Variants in ZNF462 observed in about 807,000 individuals in gnomAD.
ZNF462 encodes the protein zinc finger protein 462.
ZNF462 carries 10 observed loss-of-function variants against 201.9 expected under a neutral mutation model. The observed-to-expected ratio is 0.05, with a 90% confidence interval of 0.03 to 0.08. ZNF462 has a LOEUF of 0.08. Ranked by LOEUF, ZNF462 falls within the 10% of genes least tolerant of loss-of-function variation. ZNF462 has a pLI of 1.00. For synonymous variants in ZNF462, 1,227 were observed against 1,193.3 expected, an observed-to-expected ratio of 1.03 and a Z score of -0.58; for missense variants, 2,523 against 3,168.3, an observed-to-expected ratio of 0.80 and a Z score of 4.89.
intron 1 of ZNF462, among the ~76,000 whole-genome samples, chr9:106,910,882 A>G (rs913224653): frequency 2.0e-5 from 3 of 152,172 alleles, no homozygotes; most frequent in Non-Finnish European, 4.4e-5. Flanking sequence ...GCCCTGCAAT[A>G]TAGCTTTAGG....
Position 107,003,348 on chromosome 9 carries a change from A to T in ZNF462, c.7111A>T (p.Met2371Leu). ...GRVNLDQLEQ[M>L]KEKMESSSSD... is the part of the protein sequence containing the mutation. ...GGTTAACTTGGATCAGCTGGAACAGATGAAGGAGAAAATGGAGAGCTCCAG... is the reference window on the plus strand; with the variant it reads ...GGTTAACTTGGATCAGCTGGAACAGTTGAAGGAGAAAATGGAGAGCTCCAG... Residue 2371 changes from methionine (M) to leucine (L), a missense_variant, in exon 11 of 13, where the codon ATG becomes TTG. Met to Leu is a conservative substitution (Grantham distance 15). Around this residue, in one of 15 missense-constraint regions of ZNF462, gnomAD observed 228 missense variants for 361.2 expected, o/e 0.63. Transcript: ENST00000277225. This position sits in a 1 kb window ranked among gnomAD's most constrained non-coding sequence, Gnocchi z 4.4. 2 of 1,613,958 alleles carry T rather than the reference A, an allele frequency of 1.2e-6. No individual in the cohort carries two copies. The highest frequency in any genetic ancestry group is 1.7e-6 in the Non-Finnish European group (2 of 1,179,888).
intron 1 of ZNF462, among the ~76,000 whole-genome samples, chr9:106,916,412 A>G (rs1829776770): frequency 6.6e-6 from 1 of 152,146 alleles, no homozygotes; most frequent in Admixed American, 6.5e-5. Context: ...TGTAATGAAG[A>G]CCCAGCAGCA....
At chr9:106,947,523 C>T (rs999509677) in intron 7 of ZNF462, among the ~76,000 whole-genome samples, 1 of 152,184 alleles carries the variant, frequency 6.6e-6, no homozygotes, top group Non-Finnish European at 1.5e-5. Context: ...TTCTGGTTTA[C>T]ATAACGGTTC....
intron 7 of ZNF462, among the ~76,000 whole-genome samples, chr9:106,971,795 C>T (rs1013722890): frequency 5.3e-5 from 8 of 152,068 alleles, no homozygotes; most frequent in Non-Finnish European, 1.0e-4. Context: ...GTGATGGATA[C>T]GTTCATTAAA....
rs1828198561 is a variant in ZNF462 at position 106,883,688 on chromosome 9, G to A, written c.-31+20333G>A. On this transcript the variant is annotated intron_variant, in intron 1 of 12. Transcript: ENST00000277225. This position sits in a 1 kb window ranked among gnomAD's most constrained non-coding sequence, Gnocchi z 4.9. ...TTTTTGTATTGTAAACAGGGGATTA[G>A]TAAATCTTTTCCTCTGAAGTTTGGA... Among the ~76,000 whole-genome samples the A allele has an allele frequency of 6.6e-6, 1 of 152,218 alleles. No homozygotes were observed. The highest frequency in any genetic ancestry group is 2.4e-5 in the African/African-American group (1 of 41,456).
chr9:106,861,083 T>G (rs1469434835), upstream of ZNF462, among the ~76,000 whole-genome samples: 1 of 151,860 alleles, frequency 6.6e-6, no homozygotes, highest in Non-Finnish European at 1.5e-5. Flanking sequence ...GCGTAGAGTG[T>G]CATTTATTTA....
In ZNF462 at chr9:106,940,387, C is replaced by T. The variant is rs569230082; in HGVS notation, c.6427+1280C>T. Among the ~76,000 whole-genome samples, 23 of 152,264 alleles carry T rather than the reference C, an allele frequency of 1.5e-4. No individual in the cohort carries two copies. The East Asian group carries it at 4.4e-3, about 29-fold the overall frequency. On this transcript the variant is annotated intron_variant, in intron 7 of 12. Coordinates refer to ENST00000277225, the MANE Select transcript of ZNF462 (RefSeq NM_021224.6). ...TAATGTGTGTGTTTAAAACAAGAGACTCTTCAGATAACCTGATGATCTGAC... is the reference window on the plus strand; with the variant it reads ...TAATGTGTGTGTTTAAAACAAGAGATTCTTCAGATAACCTGATGATCTGAC...
chr9:106,926,673 T>G lies in ZNF462; in HGVS notation c.2761T>G (p.Ser921Ala), dbSNP rs780306437. 1 of 1,613,954 alleles carries G rather than the reference T, an allele frequency of 6.2e-7. No individual in the cohort carries two copies. Among genetic ancestry groups the G allele is most frequent in the Non-Finnish European group, 8.5e-7 (1 of 1,179,976 alleles). ...CATGAATGTACTCAACTTTGATCAC[T>G]CGGACCTGATCTACCGGTGTCGGTT... ...EAMNVLNFDH[S>A]DLIYRCRFCS... The change falls in exon 3 of 13, where the codon TCG (serine) becomes GCG (alanine). Residue 921 changes from serine (S) to alanine (A), a missense_variant. Ser to Ala is a moderately conservative substitution (Grantham distance 99). Coordinates refer to ENST00000277225, the MANE Select transcript of ZNF462 (RefSeq NM_021224.6). The surrounding 1 kb of genome is among the most constrained non-coding windows in gnomAD (Gnocchi z 7.9).
At position 107,011,196 on chromosome 9, in the gene ZNF462, T is replaced by C; in HGVS notation, c.*166T>C. On this transcript the variant is annotated 3_prime_UTR_variant, in exon 13 of 13. Transcript: ENST00000277225. This position sits in a 1 kb window ranked among gnomAD's most constrained non-coding sequence, Gnocchi z 5.6. ...GCACTGGTACCTGTGTGAGTGAGTATGTAAATTAAAGTTATTTAAATGGTT... is the reference window on the plus strand; with the variant it reads ...GCACTGGTACCTGTGTGAGTGAGTACGTAAATTAAAGTTATTTAAATGGTT... 1.6e-6 allele frequency: 1 copy of C among 617,850 alleles called. No homozygotes were observed. Among genetic ancestry groups the C allele is most frequent in the South Asian group, 2.0e-5 (1 of 48,916 alleles). The allele number at this position is 617,850 out of a possible 1,614,324, so 38.3% of individuals were successfully genotyped here.
chr9:106,960,422 C>A (rs779217678), intron 7 of ZNF462, among the ~76,000 whole-genome samples: 1 of 152,104 alleles, frequency 6.6e-6, no homozygotes, highest in African/African-American at 2.4e-5. Flanking sequence ...TCTGAGGTTG[C>A]TCACAAGCTC....
intron 7 of ZNF462, among the ~76,000 whole-genome samples, chr9:106,964,011 G>A (rs1370748766): frequency 9.5e-6 from 1 of 105,268 alleles, no homozygotes; most frequent in Non-Finnish European, 2.1e-5. Context: ...TAATATTCGT[G>A]TGTGTGTGTG....
At position 106,978,651 on chromosome 9, in the gene ZNF462, G is replaced by A. The variant is rs1165408351; in HGVS notation, c.6832+4378G>A. 1.3e-5 allele frequency: 2 copies of A among 151,860 alleles called. No individual in the cohort carries two copies. Among genetic ancestry groups the A allele is most frequent in the Admixed American group, 6.6e-5 (1 of 15,258 alleles). 9.4% of individuals were successfully genotyped at this position (151,860 alleles called of 1,614,324 possible). On this transcript the variant is annotated intron_variant, in intron 9 of 12. Coordinates refer to ENST00000277225, the MANE Select transcript of ZNF462 (RefSeq NM_021224.6). This position sits in a 1 kb window ranked among gnomAD's most constrained non-coding sequence, Gnocchi z 4.1. ...GATGAAGTCAGTGGTAGGACTTTTG[G>A]TAGGTTTTCATTCATGCAACAAATA...
intron 1 of ZNF462, among the ~76,000 whole-genome samples, chr9:106,906,669 T>G (rs1270603480): frequency 6.6e-6 from 1 of 152,220 alleles, no homozygotes; most frequent in African/African-American, 2.4e-5. Context: ...ATAAGAAAGT[T>G]GAGTTTATTG....
chr9:106,868,233 T>G (rs1484880481), intron 1 of ZNF462, among the ~76,000 whole-genome samples: 2 of 152,128 alleles, frequency 1.3e-5, no homozygotes, highest in Non-Finnish European at 2.9e-5. Flanking sequence ...TAGAAGAAAA[T>G]TCCTCTCCTT....
In ZNF462 at chr9:106,917,304, C is replaced by T. The variant is rs1829813725; in HGVS notation, c.-30-6050C>T. 6.6e-6 allele frequency among the ~76,000 whole-genome samples: 1 copy of T among 152,188 alleles called. No homozygotes were observed. The highest frequency in any genetic ancestry group is 6.5e-5 in the Admixed American group (1 of 15,282). On this transcript the variant is annotated intron_variant, in intron 1 of 12. Coordinates refer to ENST00000277225, the MANE Select transcript of ZNF462 (RefSeq NM_021224.6). This position sits in a 1 kb window ranked among gnomAD's most constrained non-coding sequence, Gnocchi z 4.5. ...CAGCATACTCTGTAGTACTTGAAAA[C>T]TTTATGCAGGAGAGCGATCCTAAAA...
chr9:106,960,815 G>A (rs561415445), intron 7 of ZNF462, among the ~76,000 whole-genome samples: 1 of 152,062 alleles, frequency 6.6e-6, no homozygotes, highest in Non-Finnish European at 1.5e-5. Context: ...ACACATTTTT[G>A]GGACTGGGCA....
chr9:106,992,919 T>A (rs1828398753), intron 10 of ZNF462, among the ~76,000 whole-genome samples: 1 of 152,096 alleles, frequency 6.6e-6, no homozygotes, highest in African/African-American at 2.4e-5. Context: ...TTTCCTGTAG[T>A]CTTTTTATGA....
At chr9:106,973,192 T>C (rs755826672) in intron 8 of ZNF462, among the ~76,000 whole-genome samples, 2 of 152,158 alleles carry the variant, frequency 1.3e-5, no homozygotes, top group Non-Finnish European at 2.9e-5. Flanking sequence ...TGACATTAGA[T>C]ATCATAGATA....
Position 106,978,322 on chromosome 9 carries a change from G to A in ZNF462, c.6832+4049G>A, listed in dbSNP as rs1486360675. On this transcript the variant is annotated intron_variant, in intron 9 of 12. Transcript: ENST00000277225. This position sits in a 1 kb window ranked among gnomAD's most constrained non-coding sequence, Gnocchi z 4.1. ...TGCAGAATGTTATTAGACATTTCCG[G>A]GGTCCTGAAGAGAATAGGAAGCATA... Among the ~76,000 whole-genome samples, 1 of 151,520 alleles carries A rather than the reference G, an allele frequency of 6.6e-6. No homozygotes were observed. The highest frequency in any genetic ancestry group is 1.5e-5 in the Non-Finnish European group (1 of 68,046).
Sources: allele counts gnomAD v4.1 joint callset (sites outside exome capture counted in the v4.1 genomes callset), GRCh38; gene constraint gnomAD v4.1.1; regional missense constraint gnomAD v4.1.1; non-coding constraint Gnocchi (gnomAD v3.1); transcripts MANE v1.5; gene names NCBI Gene and HGNC (gene_info 2026-07-23, HGNC 2026-07-21).